STX7: variants seen among roughly 807,000 people sequenced by gnomAD.
STX7 encodes the protein syntaxin 7, also known as syntaxin-7.
A neutral mutation model predicts 39.6 loss-of-function variants in STX7; 34 were observed. The ratio of observed to expected loss-of-function variants is 0.86; its 90% CI spans 0.65 to 1.14. The LOEUF (loss-of-function observed/expected upper bound fraction) is 1.14. Ranked by LOEUF, STX7 falls within the 50% of genes most tolerant of loss-of-function variation. STX7 has a pLI of 0.00. For missense variants in STX7, 284 were observed against 310.4 expected (o/e 0.92, Z 0.64); for synonymous variants, 119 against 99.1 (o/e 1.20, Z -1.19).
chr6:132,488,018 A>G (rs1397894097), intron 2 of STX7, among the ~76,000 whole-genome samples: 1 of 152,166 alleles, frequency 6.6e-6, no homozygotes, highest in African/African-American at 2.4e-5. Flanking sequence ...CTTTTCTAAT[A>G]CAGGTGTTTA....
intron 5 of STX7, among the ~76,000 whole-genome samples, chr6:132,470,881 T>C (rs1028327514): frequency 5.9e-5 from 9 of 152,136 alleles, no homozygotes; most frequent in Non-Finnish European, 1.2e-4. Flanking sequence ...CTAAATATTC[T>C]CAAGGATCAA....
Position 132,454,801 on chromosome 6 carries a change from G to A in STX7, c.*5957C>T, listed in dbSNP as rs1774210790. The A allele has an allele frequency of 6.6e-6, 1 of 152,108 alleles. No individual in the cohort carries two copies. Among genetic ancestry groups the A allele is most frequent in the East Asian group, 1.9e-4 (1 of 5,190 alleles). 9.4% of individuals were successfully genotyped at this position (152,108 alleles called of 1,614,324 possible). A position where few individuals can be genotyped will look rare whatever the true frequency, so the allele number is the denominator to read the frequency against. On this transcript the variant is annotated 3_prime_UTR_variant, in exon 10 of 10. Transcript: ENST00000367941. ...AACATGAATTTCTTGAACAAGAAAT[G>A]TTTATTGCCTCCAAGATAGAACTAA...
intron 5 of STX7, among the ~76,000 whole-genome samples, chr6:132,471,165 G>C (rs1007745102): frequency 9.9e-5 from 15 of 152,128 alleles, no homozygotes; most frequent in African/African-American, 3.4e-4. Context: ...TCAGTACCAA[G>C]ACGATGTGAG....
rs1267454254 is a variant in STX7, at chr6:132,458,444, CG to C, written c.*2313del. 6.6e-6 allele frequency: 1 copy of C among 152,164 alleles called. No homozygotes were observed. Among genetic ancestry groups the C allele is most frequent in the East Asian group, 1.9e-4 (1 of 5,194 alleles). The allele number at this position is 152,164 out of a possible 1,614,324, so 9.4% of individuals were successfully genotyped here. A position where few individuals can be genotyped will look rare whatever the true frequency, so the allele number is the denominator to read the frequency against. ...AGCCAAATACCTAATGCCACATTGT[CG>C]TTCAATTTACCTGGCTGGTTAATAT... is the stretch of plus-strand genomic sequence containing the variant. On this transcript the variant is annotated 3_prime_UTR_variant, in exon 10 of 10. Coordinates refer to ENST00000367941, the MANE Select transcript of STX7 (RefSeq NM_003569.3).
At position 132,458,954 on chromosome 6, in the gene STX7, T is replaced by C. The variant is rs1383560866; in HGVS notation, c.*1804A>G. 1 of 152,202 alleles carries C rather than the reference T, an allele frequency of 6.6e-6. No individual in the cohort carries two copies. Among genetic ancestry groups the C allele is most frequent in the East Asian group, 1.9e-4 (1 of 5,200 alleles). The allele number at this position is 152,202 out of a possible 1,614,324, so 9.4% of individuals were successfully genotyped here. A position where few individuals can be genotyped will look rare whatever the true frequency, so the allele number is the denominator to read the frequency against. On this transcript the variant is annotated 3_prime_UTR_variant, in exon 10 of 10. Transcript: ENST00000367941. ...TCACTGTGAATAGAAGTAAATGTACTTGACCTGTATGAGAATAAACATTTT... is the reference window on the plus strand; with the variant it reads ...TCACTGTGAATAGAAGTAAATGTACCTGACCTGTATGAGAATAAACATTTT...
At chr6:132,494,301 A>C (rs1292216315) in intron 2 of STX7, among the ~76,000 whole-genome samples, 2 of 152,200 alleles carry the variant, frequency 1.3e-5, no homozygotes, top group African/African-American at 4.8e-5. Context: ...TGAACGAATA[A>C]AATTATGTGT....
At chr6:132,481,806 G>A (rs1014704947) in intron 2 of STX7, among the ~76,000 whole-genome samples, 1 of 152,154 alleles carries the variant, frequency 6.6e-6, no homozygotes. Context: ...CTATAACAAT[G>A]TTTCAAACAA....
intron 9 of STX7, among the ~76,000 whole-genome samples, chr6:132,463,156 C>A (rs900207101): frequency 1.3e-5 from 2 of 151,884 alleles, no homozygotes; most frequent in Admixed American, 1.3e-4. Flanking sequence ...TGCAGTGAGG[C>A]AAGATGACAC....
intron 9 of STX7, chr6:132,461,707 A>T: frequency 1.1e-6 from 1 of 928,002 alleles, no homozygotes; most frequent in South Asian, 2.1e-5. Context: ...TACATTCAAA[A>T]TCTCAACAAA....
intron 2 of STX7, among the ~76,000 whole-genome samples, chr6:132,478,976 C>T (rs1408241114): frequency 2.6e-5 from 4 of 152,292 alleles, no homozygotes; most frequent in African/African-American, 7.2e-5. Flanking sequence ...ACACTGGTTA[C>T]GTCTGCTTTT....
intron 4 of STX7, among the ~76,000 whole-genome samples, chr6:132,471,996 A>T (rs1290182745): frequency 6.6e-6 from 1 of 152,228 alleles, no homozygotes; most frequent in Non-Finnish European, 1.5e-5. Flanking sequence ...CCACGCAGTC[A>T]GCCCCGGAAG....
chr6:132,471,704 C>A, intron 4 of STX7, 104 bp from the exon 5 acceptor site: 1 of 1,305,834 alleles, frequency 7.7e-7, no homozygotes, highest in Admixed American at 2.1e-5. Context: ...CACTTACTCC[C>A]CAATTACAGG....
chr6:132,463,285 T>A (rs932188932), intron 9 of STX7, among the ~76,000 whole-genome samples: 1 of 152,110 alleles, frequency 6.6e-6, no homozygotes, highest in East Asian at 1.9e-4. Context: ...AAAAAGGAAA[T>A]CAAATGCTAC....
intron 7 of STX7, 103 bp from the exon 8 acceptor site, chr6:132,468,578 C>T: frequency 2.9e-6 from 2 of 698,404 alleles, no homozygotes; most frequent in Non-Finnish European, 4.9e-6. Context: ...CATGGGTGAG[C>T]ATGCATCTAT....
chr6:132,485,793 G>GTCCTAT (rs1775119529), intron 2 of STX7, among the ~76,000 whole-genome samples: 1 of 152,108 alleles, frequency 6.6e-6, no homozygotes, highest in Non-Finnish European at 1.5e-5. Context: ...TTTGTCATCT[G>GTCCTAT]TATATCTTCT....
chr6:132,467,464 AT>A (rs1740084301), intron 8 of STX7, among the ~76,000 whole-genome samples: 1 of 151,994 alleles, frequency 6.6e-6, no homozygotes, highest in African/African-American at 2.4e-5. Context: ...ACTTATCACC[AT>A]TTACTTGCTT....
Position 132,446,363 on chromosome 6 carries a change from A to C in STX7, c.*14395T>G, listed in dbSNP as rs1014702632. The C allele has an allele frequency of 2.0e-5, 3 of 152,200 alleles. No homozygotes were observed. Among genetic ancestry groups the C allele is most frequent in the African/African-American group, 7.2e-5 (3 of 41,464 alleles). The allele number at this position is 152,200 out of a possible 1,614,324, so 9.4% of individuals were successfully genotyped here. A position where few individuals can be genotyped will look rare whatever the true frequency, so the allele number is the denominator to read the frequency against. ...GATTGGGGTGAAAAACTGTCAATTG[A>C]AAAAAGTTTGAAAGAAACCTTTTAT... On this transcript the variant is annotated 3_prime_UTR_variant, in exon 10 of 10. Transcript: ENST00000367941.
rs779135370 is a variant in STX7, at chr6:132,469,950, C to T, written c.537+1G>A. 1.9e-6 allele frequency: 3 copies of T among 1,595,082 alleles called. No individual in the cohort carries two copies. Among genetic ancestry groups the T allele is most frequent in the Non-Finnish European group, 1.7e-6 (2 of 1,172,608 alleles). On this transcript the variant is annotated splice_donor_variant, in intron 7 of 9. Transcript: ENST00000367941. LOFTEE classifies it high-confidence loss of function. ...GCCCAAGTCTACAATGTAAGCCTTA[C>T]TTCAAGTTGCCTGATAGAAGATTCT...
intron 2 of STX7, among the ~76,000 whole-genome samples, chr6:132,500,986 TTC>T (rs1239650734): frequency 6.6e-6 from 1 of 152,194 alleles, no homozygotes; most frequent in African/African-American, 2.4e-5. Context: ...GACATATGGC[TTC>T]TGTTTCACAT....
Sources: gnomAD v4.1 joint callset for allele counts (sites outside exome capture counted in the v4.1 genomes callset) on GRCh38, gnomAD v4.1.1 for gene constraint, MANE v1.5 for transcripts, NCBI Gene and HGNC (gene_info 2026-07-23, HGNC 2026-07-21) for gene names.